DSCAML1: variants seen among roughly 807,000 people sequenced by gnomAD.
The protein encoded by DSCAML1 is DS cell adhesion molecule like 1.
In DSCAML1, 38 loss-of-function variants were observed where a neutral mutation model predicts 200.5. That is an observed-to-expected ratio of 0.19 (90% CI 0.15 to 0.25). The LOEUF (loss-of-function observed/expected upper bound fraction) is 0.25. DSCAML1 is among the 10% of genes least tolerant of loss of function. The pLI, the probability that DSCAML1 is intolerant of heterozygous loss-of-function variation, is 1.00. For missense variants in DSCAML1, 2,223 were observed against 2,858.8 expected, an observed-to-expected ratio of 0.78 and a Z score of 5.07; for synonymous variants, 1,215 against 1,165.0, an observed-to-expected ratio of 1.04 and a Z score of -0.87.
At chr11:117,728,810 A>G (rs972716127) in intron 3 of DSCAML1, among the ~76,000 whole-genome samples, 2 of 152,236 alleles carry the variant, frequency 1.3e-5, no homozygotes, top group African/African-American at 4.8e-5. Flanking sequence ...AAATGGAAGG[A>G]TATCCCATGT....
chr11:117,809,764 G>T (rs1441740185), intron 1 of DSCAML1, among the ~76,000 whole-genome samples: 1 of 152,018 alleles, frequency 6.6e-6, no homozygotes, highest in East Asian at 1.9e-4. Context: ...GTCCACCCAC[G>T]CAACCCTCCT....
At chr11:117,657,265 G>A (rs2052754797) in intron 3 of DSCAML1, among the ~76,000 whole-genome samples, 1 of 152,144 alleles carries the variant, frequency 6.6e-6, no homozygotes, top group Non-Finnish European at 1.5e-5. Flanking sequence ...TAACCCAATG[G>A]GCTCCTGAGA....
At chr11:117,779,748 AGT>A (rs2055198239) in intron 2 of DSCAML1, among the ~76,000 whole-genome samples, 1 of 152,208 alleles carries the variant, frequency 6.6e-6, no homozygotes, top group Non-Finnish European at 1.5e-5. Flanking sequence ...AAATCAGAAT[AGT>A]GGTGGCTCTT....
chr11:117,441,263 T>G (rs1392658057), intron 21 of DSCAML1, among the ~76,000 whole-genome samples: 1 of 152,170 alleles, frequency 6.6e-6, no homozygotes, highest in East Asian at 1.9e-4. Flanking sequence ...AAGGACCGGA[T>G]GGCTTCATCT....
In DSCAML1 at chr11:117,428,343, G is replaced by C; in HGVS notation, c.6147C>G (p.Ser2049=). ...QKQGAGAYSK[S]YTLV ...CCTGCGGGCCCTACACCAGGGTGTA[G>C]GATTTGGAGTAGGCCCCGGCCCCCT... The change falls in exon 33 of 33, where the codon TCC becomes TCG. Residue 2049 remains serine, a synonymous_variant. Coordinates refer to ENST00000651296, the MANE Select transcript of DSCAML1 (RefSeq NM_020693.4). The C allele has an allele frequency of 6.4e-7, 1 of 1,566,442 alleles. No individual in the cohort carries two copies. The highest frequency in any genetic ancestry group is 8.7e-7 in the Non-Finnish European group (1 of 1,145,210).
At chr11:117,696,250 A>T (rs1260359038) in intron 3 of DSCAML1, among the ~76,000 whole-genome samples, 1 of 152,180 alleles carries the variant, frequency 6.6e-6, no homozygotes, top group East Asian at 1.9e-4. Flanking sequence ...CAGAGGGGGA[A>T]GTTGAGCTGG....
intron 3 of DSCAML1, among the ~76,000 whole-genome samples, chr11:117,538,634 G>A (rs1188991807): frequency 6.6e-6 from 1 of 152,122 alleles, no homozygotes; most frequent in African/African-American, 2.4e-5. Context: ...CTGGGCTTTC[G>A]AGACTCCCTG....
Position 117,797,173 on chromosome 11 carries a change from A to C in DSCAML1, c.-94T>G. 6.3e-7 allele frequency: 1 copy of C among 1,576,538 alleles called. No individual in the cohort carries two copies. Among genetic ancestry groups the C allele is most frequent in the Non-Finnish European group, 8.6e-7 (1 of 1,163,600 alleles). On this transcript the variant is annotated 5_prime_UTR_variant, in exon 1 of 33. Transcript: ENST00000651296. Reference sequence around the variant, plus strand: ...GCTCAGCGCGCTCCCAGCCGCCCGCACTCGGCGCCCCGCTCTCTCTGCTCC... The same window carrying C: ...GCTCAGCGCGCTCCCAGCCGCCCGCCCTCGGCGCCCCGCTCTCTCTGCTCC...
chr11:117,675,470 A>ATT lies in DSCAML1; in HGVS notation c.511+101319_511+101320dup, dbSNP rs533948278. Reference sequence around the variant, plus strand: ...GTGCCCCTATGCCTGGCTGATTGAAATTTTTTTTTTTTTTTTTTTTTTTTT... The same window carrying ATT: ...GTGCCCCTATGCCTGGCTGATTGAAATTTTTTTTTTTTTTTTTTTTTTTTTTT... On this transcript the variant is annotated intron_variant, in intron 3 of 32. Coordinates refer to ENST00000651296, the MANE Select transcript of DSCAML1 (RefSeq NM_020693.4). Among the ~76,000 whole-genome samples, 259 of 96,926 alleles carry ATT rather than the reference A, an allele frequency of 2.7e-3. 6 individuals carry two copies. In the East Asian group the frequency reaches 0.035, roughly 13 times the overall value. The allele number at this position is 96,926 out of a possible 152,430, so 63.6% of individuals were successfully genotyped here.
At position 117,673,752 on chromosome 11, in the gene DSCAML1, G is replaced by A. The variant is rs369787389; in HGVS notation, c.511+103039C>T. 1.9e-4 allele frequency among the ~76,000 whole-genome samples: 29 copies of A among 152,328 alleles called. No individual in the cohort carries two copies. The East Asian group carries it at 5.4e-3, about 28-fold the overall frequency. ...ATGAGGCTCCCAGGCCTGGGCTCAC[G>A]CTGTTGGTTGGCCCCAGCTGTGCGT... On this transcript the variant is annotated intron_variant, in intron 3 of 32. Transcript: ENST00000651296.
chr11:117,687,494 G>C (rs1046353719), intron 3 of DSCAML1, among the ~76,000 whole-genome samples: 2 of 143,280 alleles, frequency 1.4e-5, no homozygotes, highest in African/African-American at 5.2e-5. Flanking sequence ...TCAAACTCCT[G>C]GGCTCAAGCA....
rs537456587 is a variant in DSCAML1, at chr11:117,731,951, C to T, written c.511+44840G>A. Among the ~76,000 whole-genome samples, 23 of 152,330 alleles carry T rather than the reference C, an allele frequency of 1.5e-4. 1 individual carries two copies. The South Asian group carries it at 4.8e-3, about 32-fold the overall frequency. On this transcript the variant is annotated intron_variant, in intron 3 of 32. Coordinates refer to ENST00000651296, the MANE Select transcript of DSCAML1 (RefSeq NM_020693.4). Reference sequence around the variant, plus strand: ...TGTCTCAGCATGGTCCACGCAAGATCAGGCTGGACAGAGGGCCGGGGTGAT... The same window carrying T: ...TGTCTCAGCATGGTCCACGCAAGATTAGGCTGGACAGAGGGCCGGGGTGAT...
At chr11:117,434,983 G>A (rs908639867) in intron 27 of DSCAML1, among the ~76,000 whole-genome samples, 13 of 152,210 alleles carry the variant, frequency 8.5e-5, no homozygotes, top group Middle Eastern at 3.2e-3. Context: ...TGGCTTGGCC[G>A]TTCTTTATTG....
intron 3 of DSCAML1, among the ~76,000 whole-genome samples, chr11:117,714,315 A>G (rs4938427): frequency 0.95 from 144,881 of 152,040 alleles, 69,204 homozygotes; most frequent in South Asian, 0.99. Flanking sequence ...GCCCTAAAGG[A>G]ACCCATCACC....
intron 3 of DSCAML1, among the ~76,000 whole-genome samples, chr11:117,665,104 A>G (rs2052947657): frequency 6.6e-6 from 1 of 151,976 alleles, no homozygotes. Flanking sequence ...TCCTGCCCTT[A>G]TGACCCTCCC....
chr11:117,508,915 T>A (rs2049562600), intron 8 of DSCAML1, among the ~76,000 whole-genome samples: 1 of 152,090 alleles, frequency 6.6e-6, no homozygotes, highest in African/African-American at 2.4e-5. Flanking sequence ...AAGAAGACTG[T>A]CTCTCTCAGT....
intron 14 of DSCAML1, among the ~76,000 whole-genome samples, chr11:117,477,481 CCA>C: frequency 6.6e-6 from 1 of 151,440 alleles, no homozygotes; most frequent in South Asian, 2.1e-4. Flanking sequence ...TCTTCCTCTA[CCA>C]CATGGCTGGT....
At position 117,787,989 on chromosome 11, in the gene DSCAML1, C is replaced by T. The variant is rs551382328; in HGVS notation, c.47-7179G>A. Reference sequence around the variant, plus strand: ...ACCAGTAGGGTGATCCTCCCACCGGCTCACCCACCAAGTCCATTCAAAACC... The same window carrying T: ...ACCAGTAGGGTGATCCTCCCACCGGTTCACCCACCAAGTCCATTCAAAACC... On this transcript the variant is annotated intron_variant, in intron 1 of 32. Transcript: ENST00000651296. Among the ~76,000 whole-genome samples, 7 of 152,312 alleles carry T rather than the reference C, an allele frequency of 4.6e-5. No individual in the cohort carries two copies. In the East Asian group the frequency reaches 1.4e-3, roughly 29 times the overall value.
intron 14 of DSCAML1, among the ~76,000 whole-genome samples, chr11:117,474,310 A>T (rs992395300): frequency 1.3e-5 from 2 of 151,612 alleles, no homozygotes; most frequent in African/African-American, 4.9e-5. Flanking sequence ...CCATAATAAA[A>T]CACTCTCTGG....
Sources: gnomAD v4.1 joint callset for allele counts (sites outside exome capture counted in the v4.1 genomes callset) on GRCh38, gnomAD v4.1.1 for gene constraint, MANE v1.5 for transcripts, NCBI Gene and HGNC (gene_info 2026-07-23, HGNC 2026-07-21) for gene names.